Variants in RBFOX1 observed in about 807,000 individuals in gnomAD.
RBFOX1 encodes RNA binding protein fox-1 homolog 1.
In RBFOX1, 8 loss-of-function variants were observed where a neutral mutation model predicts 57.7. That is an observed-to-expected ratio of 0.14 (90% CI 0.08 to 0.25). The LOEUF (loss-of-function observed/expected upper bound fraction) is 0.25. Ranked by LOEUF, RBFOX1 falls within the 10% of genes least tolerant of loss-of-function variation. The pLI is 1.00. For missense variants in RBFOX1, 611 were observed against 548.5 expected (o/e 1.11, Z -1.14); for synonymous variants, 326 against 222.4 (o/e 1.47, Z -4.15).
chr16:7,676,310 G>A (rs2073250060), intron 13 of RBFOX1, among the ~76,000 whole-genome samples: 2 of 152,096 alleles, frequency 1.3e-5, no homozygotes, highest in Non-Finnish European at 2.9e-5. Context: ...CAATCAAAGG[G>A]TGATTTAATA....
chr16:6,348,781 A>G (rs2085797999), intron 2 of RBFOX1, among the ~76,000 whole-genome samples: 1 of 151,978 alleles, frequency 6.6e-6, no homozygotes, highest in African/African-American at 2.4e-5. Flanking sequence ...AAGGATCCAC[A>G]CCCTTGATCC....
At chr16:6,427,480 C>A (rs942150290) in intron 2 of RBFOX1, among the ~76,000 whole-genome samples, 1 of 152,082 alleles carries the variant, frequency 6.6e-6, no homozygotes, top group Non-Finnish European at 1.5e-5. Context: ...ATTTAGACAG[C>A]AAAGCTTACC....
intron 2 of RBFOX1, among the ~76,000 whole-genome samples, chr16:5,542,120 G>T (rs74840537): frequency 3.3e-5 from 5 of 152,068 alleles, no homozygotes; most frequent in African/African-American, 9.7e-5. Context: ...GATGGTAGCC[G>T]TCAGGTCCAG....
At chr16:6,838,451 G>A (rs12447544) in intron 3 of RBFOX1, among the ~76,000 whole-genome samples, 5,098 of 152,198 alleles carry the variant, frequency 0.033, 284 homozygotes, top group East Asian at 0.14. Context: ...GGGTTGACTA[G>A]CCCTTTTCTA....
intron 1 of RBFOX1, among the ~76,000 whole-genome samples, chr16:6,172,786 T>C (rs1285395784): frequency 6.6e-6 from 1 of 152,238 alleles, no homozygotes; most frequent in Non-Finnish European, 1.5e-5. Flanking sequence ...TATTTTTTTA[T>C]TGCTGCTATA....
At chr16:6,572,500 C>T (rs775868670) in intron 2 of RBFOX1, among the ~76,000 whole-genome samples, 1 of 152,098 alleles carries the variant, frequency 6.6e-6, no homozygotes, top group African/African-American at 2.4e-5. Flanking sequence ...TCATTAAAAT[C>T]CCTTCCATTA....
intron 4 of RBFOX1, among the ~76,000 whole-genome samples, chr16:6,011,630 C>A (rs922930595): frequency 6.6e-6 from 1 of 152,120 alleles, no homozygotes; most frequent in Non-Finnish European, 1.5e-5. Context: ...TTTATTTTTA[C>A]TCTTCTGCAC....
chr16:6,720,998 A>G (rs2065877748), intron 3 of RBFOX1, among the ~76,000 whole-genome samples: 2 of 152,190 alleles, frequency 1.3e-5, no homozygotes, highest in Non-Finnish European at 2.9e-5. Flanking sequence ...GAGGGCTAAG[A>G]TGAGGTCACG....
chr16:5,885,030 GT>G (rs2057863050), intron 4 of RBFOX1, among the ~76,000 whole-genome samples: 1 of 152,176 alleles, frequency 6.6e-6, no homozygotes, highest in Non-Finnish European at 1.5e-5. Flanking sequence ...ATGACACTCT[GT>G]TTTGTAATGC....
At chr16:7,071,181 C>T (rs1007725328) in intron 4 of RBFOX1, among the ~76,000 whole-genome samples, 5 of 152,076 alleles carry the variant, frequency 3.3e-5, no homozygotes, top group Admixed American at 3.3e-4. Flanking sequence ...AGTATTGGTT[C>T]TTAGGTATCA....
At chr16:6,166,355 A>G (rs1285079964) in intron 1 of RBFOX1, among the ~76,000 whole-genome samples, 1 of 151,694 alleles carries the variant, frequency 6.6e-6, no homozygotes, top group Non-Finnish European at 1.5e-5. Flanking sequence ...TCAGCTAACC[A>G]AAGGTTCCAT....
chr16:6,710,421 T>C (rs1263694181), intron 3 of RBFOX1, among the ~76,000 whole-genome samples: 2 of 152,202 alleles, frequency 1.3e-5, no homozygotes, highest in Non-Finnish European at 2.9e-5. Flanking sequence ...ATAAAAGATA[T>C]TTTACATTCT....
intron 1 of RBFOX1, among the ~76,000 whole-genome samples, chr16:5,251,078 G>T (rs1214041929): frequency 3.3e-5 from 5 of 151,852 alleles, no homozygotes; most frequent in Admixed American, 3.3e-4. Context: ...GTCCTGGGGT[G>T]GGGGGGTCCC....
chr16:6,592,703 T>G (rs530496762), intron 2 of RBFOX1, among the ~76,000 whole-genome samples: 1 of 151,632 alleles, frequency 6.6e-6, no homozygotes, highest in Non-Finnish European at 1.5e-5. Flanking sequence ...AGAAATGTCG[T>G]GTGTGTGTGT....
intron 4 of RBFOX1, among the ~76,000 whole-genome samples, chr16:7,082,260 A>G (rs975495715): frequency 6.6e-5 from 10 of 152,102 alleles, no homozygotes; most frequent in African/African-American, 2.4e-4. Context: ...ATACATTGTC[A>G]AGTGATGTCC....
chr16:5,606,781 G>C, intron 3 of RBFOX1, among the ~76,000 whole-genome samples: 1 of 152,212 alleles, frequency 6.6e-6, no homozygotes, highest in Non-Finnish European at 1.5e-5. Flanking sequence ...GGACAAGTGG[G>C]AGTCGTAACA....
At chr16:7,033,775 C>G (rs1568460706) in intron 3 of RBFOX1, among the ~76,000 whole-genome samples, 1 of 152,062 alleles carries the variant, frequency 6.6e-6, no homozygotes, top group African/African-American at 2.4e-5. Context: ...GGGGACCAGC[C>G]TGAGTAACAT....
chr16:7,677,160 C>CA (rs1555762483), intron 14 of RBFOX1, among the ~76,000 whole-genome samples: 3 of 151,340 alleles, frequency 2.0e-5, no homozygotes, highest in Admixed American at 1.3e-4. Context: ...CACACACACA[C>CA]CGTACAACCT....
At chr16:6,849,494 C>G (rs118126830) in intron 3 of RBFOX1, among the ~76,000 whole-genome samples, 1,939 of 152,220 alleles carry the variant, frequency 0.013, 24 homozygotes, top group Middle Eastern at 0.051. Context: ...ATGGCAAAAC[C>G]CTATCTCTAC....
Sources: allele counts gnomAD v4.1 joint callset (sites outside exome capture counted in the v4.1 genomes callset), GRCh38; gene constraint gnomAD v4.1.1; transcripts MANE v1.5; gene names NCBI Gene and HGNC (gene_info 2026-07-23, HGNC 2026-07-21).